The following CTNND1 variants were observed in gnomAD, a reference collection of about 807,000 sequenced individuals.
CTNND1 encodes catenin delta-1.
A neutral mutation model predicts 112.1 loss-of-function variants in CTNND1; 16 were observed. The observed-to-expected ratio is 0.14, with a 90% CI of 0.10 to 0.22. The LOEUF is 0.22. CTNND1 is among the 10% of genes least tolerant of loss of function. The pLI is 1.00. For synonymous variants in CTNND1, 420 were observed against 446.5 expected, an observed-to-expected ratio of 0.94 and a Z score of 0.75; for missense variants, 1,008 against 1,257.0, an observed-to-expected ratio of 0.80 and a Z score of 3.00.
chr11:57,768,134 C>T (rs111336205), intron 1 of CTNND1, among the ~76,000 whole-genome samples: 6,141 of 139,286 alleles, frequency 0.044, 184 homozygotes, highest in Middle Eastern at 0.083. Context: ...CATGCCCGTC[C>T]GAAGGTCTCT....
chr11:57,797,217 G>T (rs1194508178), intron 6 of CTNND1, among the ~76,000 whole-genome samples: 2 of 147,594 alleles, frequency 1.4e-5, no homozygotes, highest in South Asian at 2.1e-4. Flanking sequence ...TTTTTTAAAT[G>T]AAAATAATAT....
chr11:57,803,628 G>T lies in CTNND1; in HGVS notation c.1428G>T (p.Leu476=), dbSNP rs768491114. The T allele has an allele frequency of 1.3e-5, 21 of 1,609,584 alleles. No individual in the cohort carries two copies. The South Asian group carries it at 2.2e-4, about 17-fold the overall frequency. ...MDLTEVITGT[L]WNLSSHDSIK... ...ATGAATTGTCTCTTCCAGGAACCCTGTGGAATCTTTCATCCCATGACTCAA... is the reference window on the plus strand; with the variant it reads ...ATGAATTGTCTCTTCCAGGAACCCTTTGGAATCTTTCATCCCATGACTCAA... Residue 476 remains leucine, a synonymous_variant, in exon 8 of 21, where the codon CTG becomes CTT. Coordinates refer to ENST00000399050, the MANE Select transcript of CTNND1 (RefSeq NM_001085458.2).
Position 57,795,591 on chromosome 11 carries a change from T to A in CTNND1, c.282T>A (p.Leu94=). ...KLNGPQDHSH[L]LYSTIPRMQE... is the part of the protein sequence containing the mutation. Reference sequence around the variant, plus strand: ...TTTGCATATAGGATCACAGTCACCTTCTATATAGCACCATCCCCAGGATGC... The same window carrying A: ...TTTGCATATAGGATCACAGTCACCTACTATATAGCACCATCCCCAGGATGC... Residue 94 remains leucine, a synonymous_variant, in exon 5 of 21, where the codon CTT becomes CTA. Transcript: ENST00000399050. 6.2e-7 allele frequency: 1 copy of A among 1,611,276 alleles called. No individual in the cohort carries two copies. Among genetic ancestry groups the A allele is most frequent in the Non-Finnish European group, 8.5e-7 (1 of 1,178,976 alleles).
chr11:57,796,433 C>G, intron 5 of CTNND1, 24 bp from the exon 6 acceptor site: 7 of 1,541,560 alleles, frequency 4.5e-6, no homozygotes, highest in Non-Finnish European at 6.1e-6. Context: ...ATTAGTTTTT[C>G]TTTTTCTTGT....
intron 7 of CTNND1, among the ~76,000 whole-genome samples, chr11:57,802,442 G>A (rs532243405): frequency 1.3e-5 from 2 of 152,282 alleles, no homozygotes; most frequent in Admixed American, 6.5e-5. Flanking sequence ...TATTAAAAAC[G>A]TGGAAGAGTT....
chr11:57,799,058 C>T (rs1369599424), intron 6 of CTNND1, among the ~76,000 whole-genome samples: 2 of 152,024 alleles, frequency 1.3e-5, no homozygotes, highest in Non-Finnish European at 2.9e-5. Context: ...TGCTCATTTT[C>T]CTCATATATT....
chr11:57,798,389 A>G (rs1356057963), intron 6 of CTNND1, among the ~76,000 whole-genome samples: 1 of 151,452 alleles, frequency 6.6e-6, no homozygotes, highest in East Asian at 1.9e-4. Context: ...AACAAAACAT[A>G]GTTGAGGGTT....
rs74819105 is a variant in CTNND1, at chr11:57,773,027, G to A, written c.-214+10908G>A. On this transcript the variant is annotated intron_variant, in intron 1 of 20. Transcript: ENST00000399050. ...TTTTTTTCTTCCCATCTCCTCCTTT[G>A]TTCAGGTAACTGTATCGTCTTGCAT... 2.4e-3 allele frequency among the ~76,000 whole-genome samples: 361 copies of A among 152,202 alleles called. 3 individuals are homozygous for A. The highest frequency in any genetic ancestry group is 6.4e-3 in the South Asian group (31 of 4,824).
intron 3 of CTNND1, among the ~76,000 whole-genome samples, chr11:57,792,121 TA>T: frequency 6.6e-6 from 1 of 152,278 alleles, no homozygotes; most frequent in South Asian, 2.1e-4. Flanking sequence ...GCAGTATCCA[TA>T]AATTGTGTAC....
At position 57,791,683 on chromosome 11, in the gene CTNND1, C is replaced by T. The variant is rs1230116908; in HGVS notation, c.195+10C>T. On this transcript the variant is annotated intron_variant, in intron 3 of 20. Coordinates refer to ENST00000399050, the MANE Select transcript of CTNND1 (RefSeq NM_001085458.2). ...CACCCGCCGGCATCAGGTAACCCCT[C>T]TCTCCATCAGACGTGCAGGTAGGAC... The T allele has an allele frequency of 4.6e-5, 70 of 1,537,790 alleles. No homozygotes were observed. Among genetic ancestry groups the T allele is most frequent in the Non-Finnish European group, 5.8e-5 (66 of 1,137,274 alleles).
Position 57,814,310 on chromosome 11 carries a change from G to A in CTNND1, c.2639-1G>A, listed in dbSNP as rs2063707787. ...ATGGATAACTTTCTGACTTCATACAGATAAGAAACCTGATCGGGAAGAAAT... is the reference window on the plus strand; with the variant it reads ...ATGGATAACTTTCTGACTTCATACAAATAAGAAACCTGATCGGGAAGAAAT... On this transcript the variant is annotated splice_acceptor_variant, in intron 17 of 20. Coordinates refer to ENST00000399050, the MANE Select transcript of CTNND1 (RefSeq NM_001085458.2). LOFTEE classifies it high-confidence loss of function. 3.1e-6 allele frequency: 5 copies of A among 1,610,108 alleles called. No homozygotes were observed. Among genetic ancestry groups the A allele is most frequent in the Non-Finnish European group, 4.2e-6 (5 of 1,177,658 alleles).
intron 19 of CTNND1, 165 bp from the exon 20 acceptor site, chr11:57,815,750 C>T: frequency 5.2e-6 from 4 of 767,782 alleles, no homozygotes; most frequent in Non-Finnish European, 9.4e-6. Flanking sequence ...TACTTTCAAA[C>T]ATTACCTTTT....
At chr11:57,790,146 A>G (rs577463105) in intron 2 of CTNND1, among the ~76,000 whole-genome samples, 58 of 152,246 alleles carry the variant, frequency 3.8e-4, no homozygotes, top group Admixed American at 9.2e-4. Flanking sequence ...CAGCGGTGCC[A>G]TCTCGGCTCA....
intron 2 of CTNND1, among the ~76,000 whole-genome samples, chr11:57,791,014 A>G (rs920610424): frequency 1.3e-5 from 2 of 152,120 alleles, no homozygotes; most frequent in African/African-American, 4.8e-5. Context: ...CAGGATAGTG[A>G]ATGCTTGTCT....
At chr11:57,814,257 G>A (rs1048314800) in intron 17 of CTNND1, 54 bp from the exon 18 acceptor site, 3 of 1,337,668 alleles carry the variant, frequency 2.2e-6, no homozygotes, top group Non-Finnish European at 2.1e-6. Context: ...TTCATGATGT[G>A]TACAGATTTT....
intron 1 of CTNND1, among the ~76,000 whole-genome samples, chr11:57,766,123 A>G (rs1951009663): frequency 6.6e-6 from 1 of 152,166 alleles, no homozygotes; most frequent in Non-Finnish European, 1.5e-5. Context: ...AATAATAAAT[A>G]AATAAATAAT....
chr11:57,804,687 A>G lies in CTNND1; in HGVS notation c.1629A>G (p.Glu543=). 2 of 1,613,852 alleles carry G rather than the reference A, an allele frequency of 1.2e-6. No homozygotes were observed. Among genetic ancestry groups the G allele is most frequent in the Non-Finnish European group, 1.7e-6 (2 of 1,179,824 alleles). ...CLRNVSSERS[E]ARRKLRECDG... ...GGAATGTAAGCTCAGAGAGGAGTGAAGCTCGCCGGAAACTTCGGGAATGTG... is the reference window on the plus strand; with the variant it reads ...GGAATGTAAGCTCAGAGAGGAGTGAGGCTCGCCGGAAACTTCGGGAATGTG... Residue 543 remains glutamate (E), a synonymous_variant, in exon 9 of 21, where the codon GAA becomes GAG. Coordinates refer to ENST00000399050, the MANE Select transcript of CTNND1 (RefSeq NM_001085458.2).
intron 13 of CTNND1, 21 bp downstream of exon 13, chr11:57,808,313 T>C (rs1484022987): frequency 1.2e-6 from 2 of 1,601,810 alleles, no homozygotes; most frequent in African/African-American, 2.7e-5. Context: ...GAAAAGGGAT[T>C]TGGAGATGGG....
At chr11:57,787,023 A>G (rs2060212665) in intron 1 of CTNND1, among the ~76,000 whole-genome samples, 1 of 152,188 alleles carries the variant, frequency 6.6e-6, no homozygotes, top group Admixed American at 6.5e-5. Context: ...AAAATTTGCT[A>G]TTAACTGTGA....
Sources: allele counts gnomAD v4.1 joint callset (sites outside exome capture counted in the v4.1 genomes callset), GRCh38; gene constraint gnomAD v4.1.1; transcripts MANE v1.5; gene names NCBI Gene and HGNC (gene_info 2026-07-23, HGNC 2026-07-21).